Variants in GPR137B observed in about 807,000 individuals in gnomAD.
GPR137B encodes integral membrane protein GPR137B.
A neutral mutation model predicts 42.5 loss-of-function variants in GPR137B; 42 were observed. The observed-to-expected ratio is 0.99, with a 90% CI of 0.77 to 1.28. The LOEUF is 1.28. GPR137B is among the 50% of genes most tolerant of loss of function. GPR137B has a pLI of 0.00. For synonymous variants in GPR137B, 218 were observed against 209.7 expected (o/e 1.04, Z -0.34); for missense variants, 487 against 493.9 (o/e 0.99, Z 0.13).
At position 236,178,579 on chromosome 1, in the gene GPR137B, CATCT is replaced by C; in HGVS notation, c.631_634del (p.Ile211ValfsTer10). On this transcript the variant is annotated frameshift_variant, in exon 3 of 7. Coordinates refer to ENST00000366592, the MANE Select transcript of GPR137B (RefSeq NM_003272.4). LOFTEE classifies it high-confidence loss of function. ...TCGTGCTGTGTGCCGTCTCTCTCTC[CATCT>C]GTCTCTACAAAATCTCTAAGATGTC... 3.1e-6 allele frequency: 5 copies of C among 1,612,904 alleles called. No homozygotes were observed. The South Asian group carries it at 4.4e-5, about 14-fold the overall frequency.
chr1:236,190,148 C>CTTTTTTT (rs34520510), intron 5 of GPR137B, among the ~76,000 whole-genome samples: 25 of 119,392 alleles, frequency 2.1e-4, no homozygotes, highest in East Asian at 6.9e-4. Flanking sequence ...CCTGCTTCTT[C>CTTTTTTT]TTTTTTTTTT....
In GPR137B at chr1:236,180,025, C is replaced by A. The variant is rs1313828972; in HGVS notation, c.834C>A (p.Asp278Glu). Residue 278 changes from aspartate to glutamate, a missense_variant, in exon 4 of 7, where the codon GAC becomes GAA. By Grantham distance (45) the Asp-to-Glu change is conservative. Transcript: ENST00000366592. ...ATTATGACTGGTACAATGTATCAGA[C>A]CAGGTCAGTGGGGGCGCTGAGGAGG... is the stretch of plus-strand genomic sequence containing the variant. ...SFDYDWYNVS[D>E]QADLKNQLGD... The A allele has an allele frequency of 1.2e-6, 2 of 1,613,250 alleles. No homozygotes were observed. The highest frequency in any genetic ancestry group is 2.2e-5 in the South Asian group (2 of 91,054).
chr1:236,207,246 C>G, intron 6 of GPR137B: 1 of 985,324 alleles, frequency 1.0e-6, no homozygotes, highest in South Asian at 4.7e-5. Context: ...AAGAAGAAAG[C>G]TGCCCAATGC....
chr1:236,183,789 G>T lies in GPR137B; in HGVS notation c.849G>T (p.Lys283Asn). 5 of 1,607,378 alleles carry T rather than the reference G, an allele frequency of 3.1e-6. No individual in the cohort carries two copies. The highest frequency in any genetic ancestry group is 4.3e-6 in the Non-Finnish European group (5 of 1,175,118). Reference sequence around the variant, plus strand: ...TCTGTTTCTAACAGGCAGATTTGAAGAATCAGCTGGGAGATGCTGGATACG... The same window carrying T: ...TCTGTTTCTAACAGGCAGATTTGAATAATCAGCTGGGAGATGCTGGATACG... ...WYNVSDQADLKNQLGDAGYVL... is the reference protein window; with the variant it reads ...WYNVSDQADLNNQLGDAGYVL... Residue 283 changes from lysine to asparagine, a missense_variant, in exon 5 of 7, where the codon AAG (lysine) becomes AAT (asparagine). Transcript: ENST00000366592.
At chr1:236,170,022 AGAGT>A (rs1662485379) in intron 2 of GPR137B, among the ~76,000 whole-genome samples, 1 of 147,262 alleles carries the variant, frequency 6.8e-6, no homozygotes, top group African/African-American at 2.5e-5. Context: ...CCTGGGCAAC[AGAGT>A]GAGAATCCAT....
rs113968459 is a variant in GPR137B, at chr1:236,171,930, T to G, written c.464+3175T>G. 6.6e-6 allele frequency among the ~76,000 whole-genome samples: 1 copy of G among 151,928 alleles called. No homozygotes were observed. Among genetic ancestry groups the G allele is most frequent in the African/African-American group, 2.4e-5 (1 of 41,328 alleles). ...GGCGCATGCCTGTAATCCCAGCTAC[T>G]TGGGAGGCTGAGGCAGGAGAATCAC... On this transcript the variant is annotated intron_variant, in intron 2 of 6. Coordinates refer to ENST00000366592, the MANE Select transcript of GPR137B (RefSeq NM_003272.4). This position sits in a 1 kb window ranked among gnomAD's most constrained non-coding sequence, Gnocchi z 4.4.
At chr1:236,154,550 C>T (rs372251069) in intron 1 of GPR137B, among the ~76,000 whole-genome samples, 8 of 151,290 alleles carry the variant, frequency 5.3e-5, no homozygotes, top group East Asian at 2.0e-4. Flanking sequence ...GAGCTTCCCC[C>T]GTTACCCACA....
chr1:236,195,763 G>A (rs550457283), intron 5 of GPR137B, among the ~76,000 whole-genome samples: 3 of 152,182 alleles, frequency 2.0e-5, no homozygotes, highest in African/African-American at 7.2e-5. Context: ...CCTTGCCAGC[G>A]TTTGTTACTG....
Position 236,185,957 on chromosome 1 carries a change from G to A in GPR137B, c.966+2051G>A, listed in dbSNP as rs981129037. 4.3e-4 allele frequency among the ~76,000 whole-genome samples: 65 copies of A among 151,452 alleles called. 1 individual carries two copies. The highest frequency in any genetic ancestry group is 6.2e-4 in the South Asian group (3 of 4,804). On this transcript the variant is annotated intron_variant, in intron 5 of 6. Coordinates refer to ENST00000366592, the MANE Select transcript of GPR137B (RefSeq NM_003272.4). ...GTCCCTGCCCTACCCCCAGGCATAA[G>A]CCACTATAATCTCCTGTGTCTATAG... is the stretch of plus-strand genomic sequence containing the variant.
chr1:236,168,624 C>G, intron 1 of GPR137B, 82 bp from the exon 2 acceptor site: 1 of 1,022,108 alleles, frequency 9.8e-7, no homozygotes, highest in African/African-American at 1.6e-5. Context: ...GATGAAGGGG[C>G]AGAGGAATTC....
chr1:236,198,546 T>C lies in GPR137B; in HGVS notation c.967-6580T>C, dbSNP rs189700230. Among the ~76,000 whole-genome samples, 51 of 152,330 alleles carry C rather than the reference T, an allele frequency of 3.3e-4. No individual in the cohort carries two copies. In the East Asian group the frequency reaches 7.5e-3, roughly 22 times the overall value. On this transcript the variant is annotated intron_variant, in intron 5 of 6. Transcript: ENST00000366592. The stretch of plus-strand genomic sequence containing the variant: ...ATGGGAATTGCATTGAATTTGTAGA[T>C]TGCTTTTGGCAGTATGGTCACTTTC...
chr1:236,165,109 TGGCCAGGTTGG>T (rs1220756215), intron 1 of GPR137B, among the ~76,000 whole-genome samples: 1 of 152,222 alleles, frequency 6.6e-6, no homozygotes, highest in Admixed American at 6.5e-5. Context: ...TTCACCATGT[TGGCCAGGTTGG>T]TCTTGAACTC....
At chr1:236,188,758 A>G (rs1211377773) in intron 5 of GPR137B, among the ~76,000 whole-genome samples, 6 of 152,224 alleles carry the variant, frequency 3.9e-5, no homozygotes, top group Non-Finnish European at 7.3e-5. Flanking sequence ...GATGTTCATC[A>G]GAGATATTGG....
At chr1:236,185,887 A>G (rs1189270743) in intron 5 of GPR137B, among the ~76,000 whole-genome samples, 2 of 152,020 alleles carry the variant, frequency 1.3e-5, no homozygotes, top group African/African-American at 2.4e-5. Flanking sequence ...CATCATCTCA[A>G]AAGGAAACCC....
In GPR137B at chr1:236,150,760, G is replaced by C. The variant is rs1661835062; in HGVS notation, c.414+7724G>C. On this transcript the variant is annotated intron_variant, in intron 1 of 6. Coordinates refer to ENST00000366592, the MANE Select transcript of GPR137B (RefSeq NM_003272.4). The surrounding 1 kb of genome is among the most constrained non-coding windows in gnomAD (Gnocchi z 6.2). ...TTGCTCACCTGCCTTTCCGTAGTCA[G>C]ACAGGCAGAACTGGTAGTGACCAGC... Among the ~76,000 whole-genome samples, 2 of 152,166 alleles carry C rather than the reference G, an allele frequency of 1.3e-5. No homozygotes were observed. Among genetic ancestry groups the C allele is most frequent in the Non-Finnish European group, 2.9e-5 (2 of 68,030 alleles).
Position 236,186,084 on chromosome 1 carries a change from C to T in GPR137B, c.966+2178C>T, listed in dbSNP as rs369277410. Reference sequence around the variant, plus strand: ...AGAATGTTTTTTCAAGATTCGTCTACGTTGTAACATATATTTGTACTTAAT... The same window carrying T: ...AGAATGTTTTTTCAAGATTCGTCTATGTTGTAACATATATTTGTACTTAAT... On this transcript the variant is annotated intron_variant, in intron 5 of 6. Coordinates refer to ENST00000366592, the MANE Select transcript of GPR137B (RefSeq NM_003272.4). 2.1e-4 allele frequency among the ~76,000 whole-genome samples: 31 copies of T among 149,452 alleles called. No individual in the cohort carries two copies. The East Asian group carries it at 5.5e-3, about 27-fold the overall frequency.
intron 4 of GPR137B, among the ~76,000 whole-genome samples, chr1:236,183,481 A>G (rs186862873): frequency 1.3e-5 from 2 of 152,308 alleles, no homozygotes; most frequent in African/African-American, 4.8e-5. Flanking sequence ...CTGTCTTTGA[A>G]TATTTTGAAG....
intron 2 of GPR137B, among the ~76,000 whole-genome samples, chr1:236,173,452 A>C (rs1662605774): frequency 6.6e-6 from 1 of 151,910 alleles, no homozygotes; most frequent in Non-Finnish European, 1.5e-5. Context: ...GAAGAAAGGA[A>C]GGAAGGAATC....
intron 4 of GPR137B, among the ~76,000 whole-genome samples, chr1:236,182,937 G>A (rs1230849484): frequency 6.6e-6 from 1 of 152,120 alleles, no homozygotes. Context: ...AACACATGAT[G>A]GAGATGTGAT....
Sources: allele counts gnomAD v4.1 joint callset (sites outside exome capture counted in the v4.1 genomes callset), GRCh38; gene constraint gnomAD v4.1.1; non-coding constraint Gnocchi (gnomAD v3.1); transcripts MANE v1.5; gene names NCBI Gene and HGNC (gene_info 2026-07-23, HGNC 2026-07-21).